Variants in ADAMTSL3 observed in about 807,000 individuals in gnomAD.
ADAMTSL3 encodes the protein ADAMTS like 3.
A neutral mutation model predicts 201.7 loss-of-function variants in ADAMTSL3; 128 were observed. The observed-to-expected ratio is 0.63, with a 90% CI of 0.55 to 0.73. The LOEUF is 0.73. Ranked by LOEUF, ADAMTSL3 falls within the 30% of genes least tolerant of loss-of-function variation. The probability of loss-of-function intolerance (pLI) is 0.00; values close to 1 mark genes in which losing one functional copy is unlikely to be tolerated. For synonymous variants in ADAMTSL3, 738 were observed against 748.4 expected (o/e 0.99, Z 0.23); for missense variants, 1,990 against 2,119.6 (o/e 0.94, Z 1.20).
chr15:83,736,103 G>C (rs989086460), intron 3 of ADAMTSL3, among the ~76,000 whole-genome samples: 5 of 152,124 alleles, frequency 3.3e-5, no homozygotes, highest in Non-Finnish European at 7.3e-5. Context: ...ACCACCCTGT[G>C]TAATAAGCTA....
chr15:84,021,964 G>A (rs569572020), intron 26 of ADAMTSL3, among the ~76,000 whole-genome samples: 1 of 152,194 alleles, frequency 6.6e-6, no homozygotes, highest in Non-Finnish European at 1.5e-5. Context: ...AGATAATTCA[G>A]TGGGCCAGAA....
chr15:83,891,814 T>G (rs540470711), intron 12 of ADAMTSL3, among the ~76,000 whole-genome samples: 1 of 152,348 alleles, frequency 6.6e-6, no homozygotes, highest in South Asian at 2.1e-4. Flanking sequence ...ATTTTCACAA[T>G]GGTCTTATGA....
intron 2 of ADAMTSL3, among the ~76,000 whole-genome samples, chr15:83,690,492 G>C (rs1381827877): frequency 6.6e-6 from 1 of 152,068 alleles, no homozygotes; most frequent in East Asian, 1.9e-4. Flanking sequence ...CTGTTCCTCT[G>C]TCCTCTCCAT....
chr15:83,734,072 T>G (rs1030858584), intron 3 of ADAMTSL3, among the ~76,000 whole-genome samples: 5 of 152,300 alleles, frequency 3.3e-5, no homozygotes, highest in South Asian at 4.1e-4. Context: ...AGTAATTTTT[T>G]GTGTTTTATA....
intron 19 of ADAMTSL3, among the ~76,000 whole-genome samples, chr15:83,969,049 T>C (rs944388991): frequency 2.0e-5 from 3 of 152,122 alleles, no homozygotes; most frequent in Admixed American, 2.0e-4. Context: ...AAATACCTAA[T>C]GTAGATGACG....
At chr15:83,697,764 T>G (rs1196936623) in intron 2 of ADAMTSL3, among the ~76,000 whole-genome samples, 1 of 152,094 alleles carries the variant, frequency 6.6e-6, no homozygotes, top group Admixed American at 6.5e-5. Flanking sequence ...TCATGGAGGC[T>G]TCATTACCCA....
chr15:83,919,393 G>A (rs1459019019), intron 16 of ADAMTSL3, among the ~76,000 whole-genome samples: 2 of 152,172 alleles, frequency 1.3e-5, no homozygotes, highest in African/African-American at 4.8e-5. Flanking sequence ...CTGTGGTGTG[G>A]TGGAAACCAA....
intron 3 of ADAMTSL3, among the ~76,000 whole-genome samples, chr15:83,729,295 C>A (rs1344412550): frequency 6.6e-6 from 1 of 151,976 alleles, no homozygotes; most frequent in African/African-American, 2.4e-5. Context: ...GGTATTTTTT[C>A]TGTAGGTTTG....
At chr15:83,729,409 A>G (rs987209228) in intron 3 of ADAMTSL3, among the ~76,000 whole-genome samples, 2 of 151,612 alleles carry the variant, frequency 1.3e-5, no homozygotes, top group Non-Finnish European at 2.9e-5. Context: ...TGTTGAGGCT[A>G]TTTTTTGATC....
chr15:83,801,645 A>ATAAATATAAATATATAT (rs2063517183), intron 4 of ADAMTSL3, among the ~76,000 whole-genome samples: 1 of 43,902 alleles, frequency 2.3e-5, no homozygotes, highest in Non-Finnish European at 4.8e-5. Context: ...TAAATATATA[A>ATAAATATAAATATATAT]ATATAAATAT....
chr15:83,936,551 T>A (rs1306642311), intron 17 of ADAMTSL3, among the ~76,000 whole-genome samples: 1 of 150,900 alleles, frequency 6.6e-6, no homozygotes, highest in African/African-American at 2.5e-5. Flanking sequence ...ATAGTTATGC[T>A]ATAAAAACCC....
intron 4 of ADAMTSL3, among the ~76,000 whole-genome samples, chr15:83,775,078 C>G (rs1036427990): frequency 1.3e-5 from 2 of 152,148 alleles, no homozygotes; most frequent in African/African-American, 4.8e-5. Context: ...AACTCCTGAC[C>G]TGAATGATCC....
chr15:83,660,331 C>G (rs1265299094), intron 2 of ADAMTSL3, among the ~76,000 whole-genome samples: 1 of 152,186 alleles, frequency 6.6e-6, no homozygotes, highest in Non-Finnish European at 1.5e-5. Flanking sequence ...TTGATCATGT[C>G]AATCATGGGC....
At chr15:83,731,119 T>G (rs2062262496) in intron 3 of ADAMTSL3, among the ~76,000 whole-genome samples, 1 of 152,158 alleles carries the variant, frequency 6.6e-6, no homozygotes, top group Non-Finnish European at 1.5e-5. Context: ...ACTCTTTGGT[T>G]TCATTGGTTT....
rs75850715 is a variant in ADAMTSL3 at position 83,952,462 on chromosome 15, C to T, written c.2490+9380C>T. 7.3e-3 allele frequency among the ~76,000 whole-genome samples: 1,117 copies of T among 152,160 alleles called. 16 individuals carry two copies. The highest frequency in any genetic ancestry group is 0.026 in the African/African-American group (1,062 of 41,526). On this transcript the variant is annotated intron_variant, in intron 19 of 29. Transcript: ENST00000286744. ...AATGGAATGTTCTGTATCTATTGCC[C>T]TATAGTGTAGATTAAATTGGATGGT...
chr15:83,838,380 T>C (rs1382140242), intron 7 of ADAMTSL3, among the ~76,000 whole-genome samples, 165 bp downstream of exon 7: 1 of 152,254 alleles, frequency 6.6e-6, no homozygotes, highest in Non-Finnish European at 1.5e-5. Flanking sequence ...ATCAAACTTT[T>C]GTTCCCATTA....
rs768979582 is a variant in ADAMTSL3, at chr15:83,838,178, A to G, written c.690A>G (p.Val230=). 6.2e-7 allele frequency: 1 copy of G among 1,613,368 alleles called. No homozygotes were observed. The highest frequency in any genetic ancestry group is 8.5e-7 in the Non-Finnish European group (1 of 1,179,712). The change falls in exon 7 of 30, where the codon GTA becomes GTG. Residue 230 remains valine (V), a synonymous_variant. Coordinates refer to ENST00000286744, the MANE Select transcript of ADAMTSL3 (RefSeq NM_207517.3). The part of the protein sequence containing the change: ...CAGDGSTCRL[V]RGQSKSHVSP... ...GCGATGGCTCCACCTGCAGGCTTGT[A>G]CGGGGACAATCAAAGTCACACGTTT...
intron 7 of ADAMTSL3, among the ~76,000 whole-genome samples, chr15:83,856,526 A>G (rs1156825282): frequency 2.6e-5 from 4 of 152,054 alleles, no homozygotes. Flanking sequence ...GTAGGTATAT[A>G]CCAAAAAACA....
intron 19 of ADAMTSL3, among the ~76,000 whole-genome samples, chr15:83,946,216 A>C (rs1254984634): frequency 6.6e-6 from 1 of 152,202 alleles, no homozygotes; most frequent in African/African-American, 2.4e-5. Context: ...GGTGTCTTAG[A>C]GTGGAGGCTA....
Sources: gnomAD v4.1 joint callset for allele counts (sites outside exome capture counted in the v4.1 genomes callset) on GRCh38, gnomAD v4.1.1 for gene constraint, MANE v1.5 for transcripts, NCBI Gene and HGNC (gene_info 2026-07-23, HGNC 2026-07-21) for gene names.